Variants in MGLL observed in about 807,000 individuals in gnomAD.
MGLL encodes the protein lysophospholipase homolog.
In MGLL, 7 loss-of-function variants were observed where a neutral mutation model predicts 29.1. The observed-to-expected ratio is 0.24, with a 90% confidence interval of 0.14 to 0.45. The LOEUF is 0.45. MGLL is among the 20% of genes least tolerant of loss of function. The pLI, the probability that MGLL is intolerant of heterozygous loss-of-function variation, is 0.99. For missense variants in MGLL, 356 were observed against 413.6 expected, an observed-to-expected ratio of 0.86 and a Z score of 1.21; for synonymous variants, 148 against 168.3, an observed-to-expected ratio of 0.88 and a Z score of 0.93.
intron 7 of MGLL, among the ~76,000 whole-genome samples, chr3:127,693,130 G>C (rs2075279141): frequency 6.6e-6 from 1 of 152,212 alleles, no homozygotes; most frequent in African/African-American, 2.4e-5. Flanking sequence ...GGCATCTCCA[G>C]GTGGACTCCA....
chr3:127,762,695 T>C (rs2076787148), intron 3 of MGLL, among the ~76,000 whole-genome samples: 1 of 152,178 alleles, frequency 6.6e-6, no homozygotes, highest in Admixed American at 6.5e-5. Flanking sequence ...CACTGCTCTG[T>C]CAGGGACCAT....
intron 3 of MGLL, among the ~76,000 whole-genome samples, chr3:127,737,451 G>C (rs2076260728): frequency 6.6e-6 from 1 of 150,430 alleles, no homozygotes; most frequent in African/African-American, 2.4e-5. Flanking sequence ...CTAGCACAGA[G>C]CGGGGCACAC....
intron 3 of MGLL, among the ~76,000 whole-genome samples, chr3:127,755,046 C>T (rs1439496695): frequency 6.6e-6 from 1 of 152,086 alleles, no homozygotes; most frequent in East Asian, 1.9e-4. Flanking sequence ...TTTGGTTCTG[C>T]ACAGTCACGA....
chr3:127,814,328 A>T (rs1411874731), intron 2 of MGLL, among the ~76,000 whole-genome samples: 1 of 152,216 alleles, frequency 6.6e-6, no homozygotes, highest in Non-Finnish European at 1.5e-5. Context: ...CCACCGCAGC[A>T]TCCCCACCCC....
intron 3 of MGLL, among the ~76,000 whole-genome samples, chr3:127,741,969 A>T (rs1465133470): frequency 1.3e-5 from 2 of 152,250 alleles, no homozygotes; most frequent in Non-Finnish European, 2.9e-5. Context: ...CTTATTGTGG[A>T]GCATTGAGAG....
chr3:127,819,129 G>A (rs772772865), intron 2 of MGLL, among the ~76,000 whole-genome samples: 9 of 152,154 alleles, frequency 5.9e-5, no homozygotes, highest in Admixed American at 2.0e-4. Context: ...GTGTTTATAC[G>A]ACAGAATTTG....
At chr3:127,786,981 C>T (rs2077224830) in intron 2 of MGLL, among the ~76,000 whole-genome samples, 1 of 152,224 alleles carries the variant, frequency 6.6e-6, no homozygotes, top group Non-Finnish European at 1.5e-5. Flanking sequence ...AGTTTCTCCA[C>T]CTGAGACACA....
At chr3:127,747,328 C>A (rs112807434) in intron 3 of MGLL, among the ~76,000 whole-genome samples, 1,835 of 152,282 alleles carry the variant, frequency 0.012, 34 homozygotes, top group African/African-American at 0.042. Flanking sequence ...GGAACATCTG[C>A]GTGTCTTGTC....
At chr3:127,726,208 CAGAA>C (rs2076041897) in intron 3 of MGLL, among the ~76,000 whole-genome samples, 1 of 91,846 alleles carries the variant, frequency 1.1e-5, no homozygotes, top group African/African-American at 4.2e-5. Context: ...GAAAGAAAGA[CAGAA>C]GGAAGGAAAG....
intron 6 of MGLL, among the ~76,000 whole-genome samples, chr3:127,703,670 C>A (rs1427425788): frequency 6.6e-6 from 1 of 152,052 alleles, no homozygotes; most frequent in Non-Finnish European, 1.5e-5. Context: ...ACCAAAAGCA[C>A]AGGCAACAAA....
At chr3:127,754,449 C>T (rs1269725201) in intron 3 of MGLL, among the ~76,000 whole-genome samples, 5 of 152,050 alleles carry the variant, frequency 3.3e-5, no homozygotes, top group East Asian at 3.9e-4. Flanking sequence ...TTCTGCTCCA[C>T]GCACCTCAAC....
At position 127,788,524 on chromosome 3, in the gene MGLL, C is replaced by T. The variant is rs147844971; in HGVS notation, c.156-6629G>A. The stretch of plus-strand genomic sequence containing the variant: ...TGCCCCAAAAGCCCCTCACCCTGAC[C>T]AGCTTATCCTCTCTCTGGTCACCTG... On this transcript the variant is annotated intron_variant, in intron 2 of 7. Coordinates refer to ENST00000265052, the MANE Select transcript of MGLL (RefSeq NM_007283.7). Among the ~76,000 whole-genome samples the T allele has an allele frequency of 3.9e-3, 588 of 152,290 alleles. 2 individuals carry two copies. Among genetic ancestry groups the T allele is most frequent in the African/African-American group, 0.013 (542 of 41,550 alleles).
intron 2 of MGLL, among the ~76,000 whole-genome samples, chr3:127,792,026 C>T (rs1282821664): frequency 6.6e-6 from 1 of 152,166 alleles, no homozygotes; most frequent in Non-Finnish European, 1.5e-5. Flanking sequence ...CAAGATGGCA[C>T]CACTGCACTC....
intron 3 of MGLL, among the ~76,000 whole-genome samples, chr3:127,743,599 A>T (rs1044194479): frequency 5.3e-4 from 75 of 142,000 alleles, no homozygotes; most frequent in Middle Eastern, 7.2e-3. Context: ...AAAAAAAAAA[A>T]GTCCAAGCAG....
chr3:127,705,238 G>A (rs568128108), intron 6 of MGLL, among the ~76,000 whole-genome samples: 1 of 152,090 alleles, frequency 6.6e-6, no homozygotes, highest in Non-Finnish European at 1.5e-5. Flanking sequence ...GGGCACGGGG[G>A]GAGGGAGAGC....
rs747740336 is a variant in MGLL at position 127,692,223 on chromosome 3, G to A, written c.917C>T (p.Thr306Met). Residue 306 changes from threonine (T) to methionine (M), a missense_variant, in exon 8 of 8, where the codon ACG becomes ATG. Coordinates refer to ENST00000265052, the MANE Select transcript of MGLL (RefSeq NM_007283.7). ...TCAGGGTGGGGACGCAGTTCCTGCC[G>A]TGGCTGTCCTTTGAGAGACCCACAT... ...INMWVSQRTA[T>M]AGTASPP 2.0e-5 allele frequency: 33 copies of A among 1,612,408 alleles called. No individual in the cohort carries two copies. Among genetic ancestry groups the A allele is most frequent in the East Asian group, 1.3e-4 (6 of 44,708 alleles).
chr3:127,757,823 C>T (rs551245995), intron 3 of MGLL, among the ~76,000 whole-genome samples: 12 of 152,318 alleles, frequency 7.9e-5, no homozygotes, highest in South Asian at 4.1e-4. Context: ...CACGTGTCAT[C>T]GACACCTTGT....
intron 2 of MGLL, chr3:127,784,098 G>A (rs1246228221): frequency 1.3e-5 from 2 of 152,232 alleles, no homozygotes; most frequent in Non-Finnish European, 2.9e-5. Flanking sequence ...AATGGCACAA[G>A]GCATTGCCAT....
chr3:127,705,921 G>T (rs1483981568), intron 6 of MGLL, among the ~76,000 whole-genome samples: 1 of 152,104 alleles, frequency 6.6e-6, no homozygotes, highest in Non-Finnish European at 1.5e-5. Flanking sequence ...CATTAGGATG[G>T]CTACTATCAA....
Sources: allele counts gnomAD v4.1 joint callset (sites outside exome capture counted in the v4.1 genomes callset), GRCh38; gene constraint gnomAD v4.1.1; transcripts MANE v1.5; gene names NCBI Gene and HGNC (gene_info 2026-07-23, HGNC 2026-07-21).